Variants in CTNNBL1 observed in about 807,000 individuals in gnomAD.
CTNNBL1 encodes beta-catenin-like protein 1.
In CTNNBL1, 31 loss-of-function variants were observed where a neutral mutation model predicts 72.7. The observed-to-expected ratio is 0.43, with a 90% CI of 0.32 to 0.58. The LOEUF is 0.58. Ranked by LOEUF, CTNNBL1 falls within the 20% of genes least tolerant of loss-of-function variation. The pLI is 0.08. For synonymous variants in CTNNBL1, 240 were observed against 267.3 expected, an observed-to-expected ratio of 0.90 and a Z score of 1.00; for missense variants, 534 against 725.1, an observed-to-expected ratio of 0.74 and a Z score of 3.03.
At chr20:37,801,259 T>C (rs1296617110) in intron 10 of CTNNBL1, among the ~76,000 whole-genome samples, 1 of 147,148 alleles carries the variant, frequency 6.8e-6, no homozygotes, top group Admixed American at 6.7e-5. Context: ...CAGATTTAGC[T>C]TTTTTTTTTG....
intron 13 of CTNNBL1, among the ~76,000 whole-genome samples, chr20:37,850,604 G>T (rs933799869): frequency 2.6e-5 from 4 of 152,382 alleles, no homozygotes; most frequent in African/African-American, 9.6e-5. Context: ...TAAAAGACTT[G>T]CAGTTTCTAG....
At chr20:37,700,484 C>T (rs188894714) in intron 1 of CTNNBL1, among the ~76,000 whole-genome samples, 48 of 152,180 alleles carry the variant, frequency 3.2e-4, no homozygotes, top group Non-Finnish European at 4.4e-4. Flanking sequence ...CAGTATATGC[C>T]GTATATCCTT....
intron 11 of CTNNBL1, among the ~76,000 whole-genome samples, chr20:37,809,729 A>G (rs2071992535): frequency 6.6e-6 from 1 of 152,178 alleles, no homozygotes; most frequent in African/African-American, 2.4e-5. Flanking sequence ...GACTCTTACC[A>G]TTTCAAATTA....
In CTNNBL1 at chr20:37,859,923, A is replaced by G; in HGVS notation, c.1417A>G (p.Ile473Val). ...KHDMVRRGEI[I>V]DNDTEEEFYL... ...GGACATGGTCCGGCGAGGAGAGATC[A>G]TCGACAATGACACCGAGGAGGAGTT... The change falls in exon 14 of 16, where the codon ATC becomes GTC. Residue 473 changes from isoleucine to valine, a missense_variant. Physicochemically the swap from Ile to Val is conservative, Grantham distance 29. Coordinates refer to ENST00000361383, the MANE Select transcript of CTNNBL1 (RefSeq NM_030877.5). The G allele has an allele frequency of 6.2e-7, 1 of 1,614,190 alleles. No individual in the cohort carries two copies. Among genetic ancestry groups the G allele is most frequent in the South Asian group, 1.1e-5 (1 of 91,070 alleles).
rs1353706122 is a variant in CTNNBL1, at chr20:37,838,170, T to A, written c.1214-1932T>A. ...GCCCCGAGGCAGGAACAGCCTGACG[T>A]TAGAAGCAGCATTTAGTCTGAGTTG... On this transcript the variant is annotated intron_variant, in intron 11 of 15. Coordinates refer to ENST00000361383, the MANE Select transcript of CTNNBL1 (RefSeq NM_030877.5). 2.0e-5 allele frequency among the ~76,000 whole-genome samples: 3 copies of A among 152,338 alleles called. No homozygotes were observed. The South Asian group carries it at 6.2e-4, about 32-fold the overall frequency.
intron 5 of CTNNBL1, among the ~76,000 whole-genome samples, chr20:37,757,908 C>CA (rs1247864544): frequency 1.3e-5 from 2 of 152,186 alleles, no homozygotes; most frequent in African/African-American, 2.4e-5. Context: ...TCATTCTTCT[C>CA]ACCACATCCT....
intron 1 of CTNNBL1, among the ~76,000 whole-genome samples, chr20:37,706,432 A>G (rs1482490038): frequency 6.6e-6 from 1 of 152,236 alleles, no homozygotes; most frequent in Non-Finnish European, 1.5e-5. Context: ...TGTCATTTCA[A>G]CAATGTCCAC....
chr20:37,835,731 A>G (rs1335900047), intron 11 of CTNNBL1, among the ~76,000 whole-genome samples: 3 of 152,248 alleles, frequency 2.0e-5, no homozygotes, highest in African/African-American at 7.2e-5. Context: ...CAAGAATAAA[A>G]TAACGCAAAA....
At chr20:37,848,609 A>G (rs890473811) in intron 13 of CTNNBL1, among the ~76,000 whole-genome samples, 2 of 152,018 alleles carry the variant, frequency 1.3e-5, no homozygotes, top group Admixed American at 1.3e-4. Flanking sequence ...CCATTTGCTC[A>G]TTCACCCTCT....
chr20:37,771,383 C>A (rs777494707), intron 7 of CTNNBL1, among the ~76,000 whole-genome samples: 1 of 152,166 alleles, frequency 6.6e-6, no homozygotes, highest in Non-Finnish European at 1.5e-5. Context: ...TTCTTGTTAA[C>A]CATTTTACTC....
intron 1 of CTNNBL1, among the ~76,000 whole-genome samples, chr20:37,720,204 A>G (rs1003017349): frequency 6.6e-6 from 1 of 151,596 alleles, no homozygotes; most frequent in Admixed American, 6.6e-5. Context: ...ATTTTTTTGT[A>G]TTTTTAGTAG....
chr20:37,755,560 T>C (rs2073356717), intron 4 of CTNNBL1, among the ~76,000 whole-genome samples: 3 of 152,178 alleles, frequency 2.0e-5, no homozygotes, highest in Non-Finnish European at 4.4e-5. Flanking sequence ...ACAGAAAGCA[T>C]AGTTAATTAT....
chr20:37,801,151 A>G (rs2073820466), intron 10 of CTNNBL1, among the ~76,000 whole-genome samples: 1 of 152,320 alleles, frequency 6.6e-6, no homozygotes, highest in East Asian at 1.9e-4. Flanking sequence ...ATCATGTGAG[A>G]GTTATCCAGT....
chr20:37,796,076 T>C (rs570724117), intron 10 of CTNNBL1, among the ~76,000 whole-genome samples: 44 of 152,328 alleles, frequency 2.9e-4, no homozygotes, highest in African/African-American at 1.0e-3. Flanking sequence ...GCACTACTCA[T>C]CTTACTACTC....
intron 11 of CTNNBL1, among the ~76,000 whole-genome samples, chr20:37,823,331 G>T (rs1461368428): frequency 6.6e-6 from 1 of 152,212 alleles, no homozygotes; most frequent in Non-Finnish European, 1.5e-5. Context: ...CGCCTGACTG[G>T]CTGAAGGAAG....
At chr20:37,732,845 C>T (rs756331929) in intron 1 of CTNNBL1, 34 bp from the exon 2 acceptor site, 2 of 1,601,374 alleles carry the variant, frequency 1.2e-6, no homozygotes, top group South Asian at 1.1e-5. Context: ...TATGTTGTAT[C>T]CAGCTCTAAA....
intron 10 of CTNNBL1, among the ~76,000 whole-genome samples, chr20:37,790,366 C>T (rs2073713353): frequency 6.6e-6 from 1 of 150,914 alleles, no homozygotes. Context: ...CTTCTAACCT[C>T]CAGTCTCCCA....
intron 1 of CTNNBL1, among the ~76,000 whole-genome samples, chr20:37,712,311 C>T (rs1262461867): frequency 6.6e-6 from 1 of 152,218 alleles, no homozygotes; most frequent in South Asian, 2.1e-4. Flanking sequence ...GAGGACAATG[C>T]AGCTGACCCT....
intron 1 of CTNNBL1, among the ~76,000 whole-genome samples, chr20:37,729,500 T>G (rs1349355009): frequency 1.3e-5 from 2 of 152,132 alleles, no homozygotes; most frequent in Non-Finnish European, 2.9e-5. Context: ...TATTTTGCAT[T>G]TCTTAACTGT....
Sources: gnomAD v4.1 joint callset for allele counts (sites outside exome capture counted in the v4.1 genomes callset) on GRCh38, gnomAD v4.1.1 for gene constraint, MANE v1.5 for transcripts, NCBI Gene and HGNC (gene_info 2026-07-23, HGNC 2026-07-21) for gene names.